ELAPOR1: variants seen among roughly 807,000 people sequenced by gnomAD.
The protein encoded by ELAPOR1 is endosome/lysosome-associated apoptosis and autophagy regulator 1.
ELAPOR1 carries 77 observed loss-of-function variants against 119.7 expected under a neutral mutation model. The ratio of observed to expected loss-of-function variants is 0.64; its 90% confidence interval spans 0.54 to 0.78. The LOEUF is 0.78. Among genes scored for constraint, ELAPOR1 ranks in the 30% least tolerant of loss-of-function variants. The pLI is 0.00. For synonymous variants in ELAPOR1, 481 were observed against 487.2 expected (o/e 0.99, Z 0.17); for missense variants, 1,115 against 1,270.4 (o/e 0.88, Z 1.86).
chr1:109,122,072 CT>C (rs535259096), intron 1 of ELAPOR1, among the ~76,000 whole-genome samples: 10,989 of 136,702 alleles, frequency 0.08, 915 homozygotes, highest in African/African-American at 0.22. Flanking sequence ...ACAGCTGGCT[CT>C]TTTTTTTTTT....
Position 109,173,821 on chromosome 1 carries a change from C to A in ELAPOR1, c.936C>A (p.Asp312Glu), listed in dbSNP as rs762306943. The A allele has an allele frequency of 1.2e-6, 2 of 1,613,970 alleles. No individual in the cohort carries two copies. The highest frequency in any genetic ancestry group is 1.7e-6 in the Non-Finnish European group (2 of 1,179,960). ...NKGETSCHQC[D>E]PDKYSEKGSS... ...GAGAAACTTCTTGCCACCAGTGTGA[C>A]CCTGACAAATACTCAGGTGATGTTT... The change falls in exon 7 of 22, where the codon GAC becomes GAA. Residue 312 changes from aspartate to glutamate, a missense_variant. By Grantham distance (45) the Asp-to-Glu change is conservative. Coordinates refer to ENST00000369939, the MANE Select transcript of ELAPOR1 (RefSeq NM_020775.5).
At chr1:109,185,404 G>C (rs893240096) in intron 8 of ELAPOR1, among the ~76,000 whole-genome samples, 17 of 151,008 alleles carry the variant, frequency 1.1e-4, no homozygotes, top group Non-Finnish European at 2.5e-4. Context: ...TCTCTTGCTT[G>C]GTTTCTTCTA....
At chr1:109,136,843 G>A (rs970363928) in intron 1 of ELAPOR1, among the ~76,000 whole-genome samples, 5 of 152,182 alleles carry the variant, frequency 3.3e-5, no homozygotes, top group African/African-American at 4.8e-5. Flanking sequence ...ACATTTAGAC[G>A]TTTAAGTCAC....
chr1:109,191,499 AG>A lies in ELAPOR1; in HGVS notation c.1545+31del, dbSNP rs749469556. On this transcript the variant is annotated intron_variant, in intron 12 of 21. Coordinates refer to ENST00000369939, the MANE Select transcript of ELAPOR1 (RefSeq NM_020775.5). ...ACGTTTTCCTTTCTTTGCCCGCTAGAGGGCCTCCAGGGGAGGGTTAGCCCCA... is the reference window on the plus strand; with the variant it reads ...ACGTTTTCCTTTCTTTGCCCGCTAGAGGCCTCCAGGGGAGGGTTAGCCCCA... 8.3e-6 allele frequency: 13 copies of A among 1,573,824 alleles called. No homozygotes were observed. The African/African-American group carries it at 1.8e-4, about 21-fold the overall frequency.
intron 18 of ELAPOR1, among the ~76,000 whole-genome samples, chr1:109,199,565 T>C (rs1036769178): frequency 6.6e-6 from 1 of 152,178 alleles, no homozygotes; most frequent in African/African-American, 2.4e-5. Flanking sequence ...AAGGGGTTGA[T>C]GAGACAGCCA....
chr1:109,150,019 G>A (rs610249), intron 1 of ELAPOR1, among the ~76,000 whole-genome samples: 75,357 of 152,082 alleles, frequency 0.5, 20,038 homozygotes, highest in East Asian at 0.79. Flanking sequence ...TATTACTGCC[G>A]CAGTCCTGTC....
intron 1 of ELAPOR1, among the ~76,000 whole-genome samples, chr1:109,143,971 ACTTAAT>A (rs1649993691): frequency 6.7e-6 from 1 of 149,466 alleles, no homozygotes; most frequent in East Asian, 2.0e-4. Flanking sequence ...TAAAGTTTGA[ACTTAAT>A]CTTAAGGATT....
chr1:109,124,375 C>T (rs1455778289), intron 1 of ELAPOR1, among the ~76,000 whole-genome samples: 1 of 152,132 alleles, frequency 6.6e-6, no homozygotes, highest in African/African-American at 2.4e-5. Context: ...GGGCTGCAGG[C>T]TTGTGCCACC....
chr1:109,199,575 A>G (rs1156756827), intron 18 of ELAPOR1, among the ~76,000 whole-genome samples: 1 of 152,240 alleles, frequency 6.6e-6, no homozygotes, highest in Non-Finnish European at 1.5e-5. Context: ...TGAGACAGCC[A>G]TGCTGGAGCT....
intron 1 of ELAPOR1, among the ~76,000 whole-genome samples, chr1:109,125,020 C>T (rs1648682313): frequency 6.6e-6 from 1 of 152,056 alleles, no homozygotes; most frequent in East Asian, 1.9e-4. Flanking sequence ...CCTCCACCTC[C>T]CAGGTTCAAA....
At chr1:109,150,066 T>A (rs1054978910) in intron 1 of ELAPOR1, among the ~76,000 whole-genome samples, 5 of 152,202 alleles carry the variant, frequency 3.3e-5, no homozygotes, top group African/African-American at 1.2e-4. Flanking sequence ...CCAAGAACCC[T>A]CATGCCAAGG....
chr1:109,185,078 C>T lies in ELAPOR1; in HGVS notation c.986C>T (p.Ala329Val). ...KGSSSCNVRP[A>V]CTDKDYFYTH... Reference sequence around the variant, plus strand: ...TCTTCTTCCTGTAACGTGCGCCCAGCTTGCACAGACAAAGATTATTTCTAC... The same window carrying T: ...TCTTCTTCCTGTAACGTGCGCCCAGTTTGCACAGACAAAGATTATTTCTAC... The change falls in exon 8 of 22, where the codon GCT (alanine) becomes GTT (valine). Residue 329 changes from alanine (A) to valine (V), a missense_variant. Ala to Val is a moderately conservative substitution (Grantham distance 64). Coordinates refer to ENST00000369939, the MANE Select transcript of ELAPOR1 (RefSeq NM_020775.5). The T allele has an allele frequency of 6.2e-7, 1 of 1,614,118 alleles. No homozygotes were observed. Among genetic ancestry groups the T allele is most frequent in the Admixed American group, 1.7e-5 (1 of 60,022 alleles).
intron 1 of ELAPOR1, among the ~76,000 whole-genome samples, chr1:109,161,388 C>T (rs572374770): frequency 1.1e-3 from 133 of 126,124 alleles, no homozygotes; most frequent in East Asian, 4.9e-3. Context: ...CCAGCCTGGG[C>T]GACAGAGCGA....
intron 1 of ELAPOR1, among the ~76,000 whole-genome samples, chr1:109,144,061 A>ATATATATATTTTTTTTTTTTTTTTTT: frequency 1.0e-4 from 9 of 88,988 alleles, no homozygotes; most frequent in African/African-American, 3.9e-4. Context: ...ATATTTATAT[A>ATATATATATTTTTTTTTTTTTTTTTT]TTTTTTTTTT....
intron 1 of ELAPOR1, among the ~76,000 whole-genome samples, chr1:109,155,244 C>T (rs1443169361): frequency 1.3e-5 from 2 of 152,186 alleles, no homozygotes; most frequent in African/African-American, 4.8e-5. Flanking sequence ...TGGCGCATCT[C>T]TGCTCACTGC....
chr1:109,136,772 T>C lies in ELAPOR1; in HGVS notation c.153+22436T>C, dbSNP rs527469659. 1.1e-4 allele frequency among the ~76,000 whole-genome samples: 17 copies of C among 152,366 alleles called. No homozygotes were observed. The South Asian group carries it at 2.9e-3, about 26-fold the overall frequency. On this transcript the variant is annotated intron_variant, in intron 1 of 21. Coordinates refer to ENST00000369939, the MANE Select transcript of ELAPOR1 (RefSeq NM_020775.5). ...CTCAGTTAGCAACAGCCTCTGACCG[T>C]GTGTCCATCTATCAGGGAATTCTTC...
chr1:109,183,328 CAAAAAAA>C (rs67807553), intron 7 of ELAPOR1, among the ~76,000 whole-genome samples: 1 of 29,446 alleles, frequency 3.4e-5, no homozygotes, highest in African/African-American at 1.3e-4. Flanking sequence ...CTGTCTCTAC[CAAAAAAA>C]AAAAAAAAAA....
intron 10 of ELAPOR1, 75 bp from the exon 11 acceptor site, chr1:109,189,517 C>T (rs1653292653): frequency 3.0e-6 from 4 of 1,333,844 alleles, no homozygotes; most frequent in East Asian, 4.6e-5. Flanking sequence ...AACCTCCCTT[C>T]CAGAGTGTCA....
chr1:109,136,125 C>G (rs1649451038), intron 1 of ELAPOR1, among the ~76,000 whole-genome samples: 4 of 152,032 alleles, frequency 2.6e-5, no homozygotes, highest in Admixed American at 2.6e-4. Context: ...TCAATTGTGT[C>G]CTTCAAAAGT....
Sources: gnomAD v4.1 joint callset for allele counts (sites outside exome capture counted in the v4.1 genomes callset) on GRCh38, gnomAD v4.1.1 for gene constraint, MANE v1.5 for transcripts, NCBI Gene and HGNC (gene_info 2026-07-23, HGNC 2026-07-21) for gene names.